Variants in CSMD1 observed in about 807,000 individuals in gnomAD.
CSMD1 encodes the protein CUB and Sushi multiple domains 1.
CSMD1 carries 213 observed loss-of-function variants against 417.5 expected under a neutral mutation model. That is an observed-to-expected ratio of 0.51 (90% CI 0.46 to 0.57). The LOEUF (loss-of-function observed/expected upper bound fraction) is 0.57, where lower values mean the gene tolerates loss of function less well. CSMD1 is among the 20% of genes least tolerant of loss of function. The pLI, the probability that CSMD1 is intolerant of heterozygous loss-of-function variation, is 0.00. For synonymous variants in CSMD1, 2,862 were observed against 1,736.8 expected, an observed-to-expected ratio of 1.65 and a Z score of -16.11; for missense variants, 6,923 against 4,529.7, an observed-to-expected ratio of 1.53 and a Z score of -15.17.
At chr8:3,833,057 G>A (rs1252629912) in intron 5 of CSMD1, among the ~76,000 whole-genome samples, 2 of 152,080 alleles carry the variant, frequency 1.3e-5, no homozygotes, top group Admixed American at 6.6e-5. Context: ...CCATTTCATG[G>A]CAGCTGTTTG....
At chr8:4,433,490 A>T (rs1461200174) in intron 2 of CSMD1, among the ~76,000 whole-genome samples, 2 of 152,184 alleles carry the variant, frequency 1.3e-5, no homozygotes, top group East Asian at 3.9e-4. Context: ...AGCGCGGCCA[A>T]GTGTTTCCCT....
intron 2 of CSMD1, among the ~76,000 whole-genome samples, chr8:4,431,506 T>A (rs904600592): frequency 1.3e-5 from 2 of 152,054 alleles, no homozygotes; most frequent in Non-Finnish European, 2.9e-5. Flanking sequence ...AGAGACCAAT[T>A]GCTACTCAGT....
chr8:4,624,335 A>C (rs953261710), intron 2 of CSMD1, among the ~76,000 whole-genome samples: 35 of 152,248 alleles, frequency 2.3e-4, no homozygotes, highest in Admixed American at 2.3e-3. Flanking sequence ...GCTCTTGTCA[A>C]ATCTCTCCAT....
intron 2 of CSMD1, among the ~76,000 whole-genome samples, chr8:4,537,054 G>A (rs751347273): frequency 1.2e-4 from 18 of 152,144 alleles, no homozygotes; most frequent in South Asian, 4.1e-4. Flanking sequence ...ATTTAAACCT[G>A]CTTAGACAAT....
intron 33 of CSMD1, among the ~76,000 whole-genome samples, chr8:3,194,826 C>A (rs1414601542): frequency 6.6e-6 from 1 of 151,862 alleles, no homozygotes; most frequent in East Asian, 1.9e-4. Flanking sequence ...GCAGAAGACC[C>A]TGGAAGAAGA....
At chr8:4,787,457 C>G (rs1585097590) in intron 1 of CSMD1, 2 of 784,924 alleles carry the variant, frequency 2.5e-6, no homozygotes, top group East Asian at 5.1e-5. Flanking sequence ...TAGAAAGAAT[C>G]ACCTGGAAGG....
At chr8:4,679,805 T>A (rs1376658258) in intron 1 of CSMD1, among the ~76,000 whole-genome samples, 3 of 152,098 alleles carry the variant, frequency 2.0e-5, no homozygotes, top group Non-Finnish European at 2.9e-5. Flanking sequence ...ATAAAATGCA[T>A]AATTATTTTA....
At chr8:3,728,813 T>C (rs1028743656) in intron 6 of CSMD1, among the ~76,000 whole-genome samples, 1 of 152,354 alleles carries the variant, frequency 6.6e-6, no homozygotes. Flanking sequence ...TGACTGATAA[T>C]GCCCCCTTAA....
At chr8:4,869,894 G>A (rs1261110207) in intron 1 of CSMD1, among the ~76,000 whole-genome samples, 2 of 151,684 alleles carry the variant, frequency 1.3e-5, no homozygotes, top group Non-Finnish European at 2.9e-5. Context: ...GTTAATGTTA[G>A]ATTTAAGAAT....
At chr8:4,141,576 C>T (rs140952631) in intron 3 of CSMD1, among the ~76,000 whole-genome samples, 3 of 151,076 alleles carry the variant, frequency 2.0e-5, no homozygotes, top group Admixed American at 6.6e-5. Context: ...CTGTACAGAA[C>T]GAGTAACTGT....
intron 49 of CSMD1, among the ~76,000 whole-genome samples, chr8:3,072,444 G>T (rs1159915325): frequency 1.3e-5 from 2 of 152,150 alleles, no homozygotes. Flanking sequence ...AAATCAATAT[G>T]CCAAGGAGGT....
chr8:4,955,102 G>C (rs1379905860), intron 1 of CSMD1, among the ~76,000 whole-genome samples: 1 of 152,106 alleles, frequency 6.6e-6, no homozygotes, highest in African/African-American at 2.4e-5. Flanking sequence ...CAGCATCACA[G>C]AAATGGCTTT....
At chr8:3,770,321 G>T (rs1457087170) in intron 5 of CSMD1, among the ~76,000 whole-genome samples, 2 of 152,158 alleles carry the variant, frequency 1.3e-5, no homozygotes, top group East Asian at 3.9e-4. Context: ...ACAAGATCAG[G>T]AGTTCAAGAC....
chr8:3,069,386 G>T (rs1004904455), intron 49 of CSMD1, among the ~76,000 whole-genome samples: 1 of 150,908 alleles, frequency 6.6e-6, no homozygotes, highest in Admixed American at 6.6e-5. Flanking sequence ...AGTGAGCCAA[G>T]ATCACACCAC....
Position 4,401,764 on chromosome 8 carries a change from A to G in CSMD1, c.415+18189T>C, listed in dbSNP as rs182734527. Among the ~76,000 whole-genome samples the G allele has an allele frequency of 5.7e-4, 86 of 152,150 alleles. 4 individuals carry two copies. The highest frequency in any genetic ancestry group is 7.7e-4 in the East Asian group (4 of 5,172). ...GAAGCTGGCGTCCCCTCTCTTGAACATAGTCCCCGCAGCCCTGTCCAGCAG... is the reference window on the plus strand; with the variant it reads ...GAAGCTGGCGTCCCCTCTCTTGAACGTAGTCCCCGCAGCCCTGTCCAGCAG... On this transcript the variant is annotated intron_variant, in intron 3 of 69. Transcript: ENST00000635120.
chr8:4,420,901 G>T (rs78223374), intron 2 of CSMD1, among the ~76,000 whole-genome samples: 7 of 152,092 alleles, frequency 4.6e-5, no homozygotes, highest in African/African-American at 1.7e-4. Flanking sequence ...ACCCTCCTAG[G>T]AGCCCTCCTC....
intron 5 of CSMD1, among the ~76,000 whole-genome samples, chr8:3,938,459 G>A (rs1023659777): frequency 6.6e-6 from 1 of 152,138 alleles, no homozygotes; most frequent in African/African-American, 2.4e-5. Flanking sequence ...GTGGATCTGT[G>A]GTGGGGATAA....
chr8:4,521,435 C>G (rs938457090), intron 2 of CSMD1, among the ~76,000 whole-genome samples: 1 of 152,090 alleles, frequency 6.6e-6, no homozygotes, highest in Non-Finnish European at 1.5e-5. Context: ...TTTAAAGAAT[C>G]ATATACCTGC....
At chr8:3,975,921 A>G (rs536284210) in intron 5 of CSMD1, among the ~76,000 whole-genome samples, 23 of 152,276 alleles carry the variant, frequency 1.5e-4, no homozygotes, top group African/African-American at 2.9e-4. Flanking sequence ...TAGTTTCATA[A>G]AAGTTATTTG....
Sources: allele counts gnomAD v4.1 joint callset (sites outside exome capture counted in the v4.1 genomes callset), GRCh38; gene constraint gnomAD v4.1.1; transcripts MANE v1.5; gene names NCBI Gene and HGNC (gene_info 2026-07-23, HGNC 2026-07-21).